The following SHC3 variants were observed in gnomAD, a reference collection of about 807,000 sequenced individuals.
SHC3 encodes SHC adaptor protein 3, also known as SHC-transforming protein 3.
A neutral mutation model predicts 60.4 loss-of-function variants in SHC3; 15 were observed. The ratio of observed to expected loss-of-function variants is 0.25; its 90% CI spans 0.17 to 0.38. The LOEUF is 0.38. Ranked by LOEUF, SHC3 falls within the 10% of genes least tolerant of loss-of-function variation. SHC3 has a pLI of 1.00. For synonymous variants in SHC3, 294 were observed against 325.9 expected, an observed-to-expected ratio of 0.90 and a Z score of 1.05; for missense variants, 677 against 786.1, an observed-to-expected ratio of 0.86 and a Z score of 1.66.
chr9:89,059,724 C>CT (rs1825042096), intron 6 of SHC3, among the ~76,000 whole-genome samples: 16 of 5,218 alleles, frequency 3.1e-3, no homozygotes, highest in South Asian at 0.018. Context: ...GATGGTGGTG[C>CT]AGGACGGTGG....
Position 89,046,944 on chromosome 9 carries a change from T to G in SHC3, c.1013A>C (p.Asp338Ala). 1 of 1,610,536 alleles carries G rather than the reference T, an allele frequency of 6.2e-7. No individual in the cohort carries two copies. Among genetic ancestry groups the G allele is most frequent in the African/African-American group, 1.3e-5 (1 of 75,024 alleles). The change falls in exon 8 of 12, where the codon GAC becomes GCC. Residue 338 changes from aspartate to alanine, a missense_variant. Coordinates refer to ENST00000375835, the MANE Select transcript of SHC3 (RefSeq NM_016848.6). ...TGGGATGCTGTTGTAGTATGGGTGG[T>G]CTGAGCCATCTCCCTCCTCTTCCGT... is the stretch of plus-strand genomic sequence containing the variant. ...PWTEEEGDGS[D>A]HPYYNSIPSK...
chr9:89,026,367 C>T (rs1252120470), intron 11 of SHC3, among the ~76,000 whole-genome samples: 1 of 152,124 alleles, frequency 6.6e-6, no homozygotes, highest in Admixed American at 6.5e-5. Context: ...GTCTCCACAA[C>T]CCCTTATCTT....
At chr9:89,058,849 T>C (rs1383096612) in intron 6 of SHC3, among the ~76,000 whole-genome samples, 2 of 109,204 alleles carry the variant, frequency 1.8e-5, no homozygotes, top group African/African-American at 7.4e-5. Flanking sequence ...AGGATGGTGG[T>C]GTTAGGACGT....
intron 1 of SHC3, among the ~76,000 whole-genome samples, chr9:89,168,688 T>C (rs577636589): frequency 5.9e-5 from 9 of 152,224 alleles, no homozygotes; most frequent in South Asian, 2.1e-4. Flanking sequence ...GACTGAGCCA[T>C]GAGATGCCCA....
intron 4 of SHC3, among the ~76,000 whole-genome samples, chr9:89,073,090 C>T (rs1000696089): frequency 6.6e-6 from 1 of 152,136 alleles, no homozygotes; most frequent in Non-Finnish European, 1.5e-5. Context: ...AGGTAGAGGG[C>T]TCCTAAGAGA....
chr9:89,031,998 T>C (rs536489052), intron 11 of SHC3, among the ~76,000 whole-genome samples: 6 of 152,248 alleles, frequency 3.9e-5, no homozygotes, highest in Non-Finnish European at 8.8e-5. Context: ...TCTTCTCCTT[T>C]GAGCTCCCGT....
chr9:89,169,853 T>C (rs1393156445), intron 1 of SHC3, among the ~76,000 whole-genome samples: 1 of 152,150 alleles, frequency 6.6e-6, no homozygotes, highest in Non-Finnish European at 1.5e-5. Flanking sequence ...ATAATAAATG[T>C]TTAAATTTCA....
chr9:89,040,060 TCAC>T (rs781590753), intron 10 of SHC3, among the ~76,000 whole-genome samples: 26 of 144,148 alleles, frequency 1.8e-4, no homozygotes, highest in Middle Eastern at 3.9e-3. Context: ...ATTATCACCA[TCAC>T]CACCACCACC....
intron 1 of SHC3, among the ~76,000 whole-genome samples, chr9:89,118,752 C>T (rs1826051213): frequency 6.6e-6 from 1 of 151,968 alleles, no homozygotes; most frequent in Non-Finnish European, 1.5e-5. Context: ...AATATTGAGC[C>T]AAGAATCTTA....
intron 8 of SHC3, 49 bp from the exon 9 acceptor site, chr9:89,045,882 T>C: frequency 6.3e-7 from 1 of 1,583,662 alleles, no homozygotes; most frequent in South Asian, 1.1e-5. Flanking sequence ...TTTCTTCTCA[T>C]TTCACCACTT....
chr9:89,103,912 G>T (rs1032827029), intron 2 of SHC3, among the ~76,000 whole-genome samples: 1 of 152,150 alleles, frequency 6.6e-6, no homozygotes, highest in Non-Finnish European at 1.5e-5. Flanking sequence ...GGAGCAAAGG[G>T]ATCCCTATGG....
rs558872608 is a variant in SHC3 at position 89,046,484 on chromosome 9, A to G, written c.1113+360T>C. On this transcript the variant is annotated intron_variant, in intron 8 of 11. Transcript: ENST00000375835. ...AAAATTCTCATCATTTTAAGCGTCT[A>G]TATTCACTCCTTTTCAGAGAACCCA... is the stretch of plus-strand genomic sequence containing the variant. 1.6e-4 allele frequency among the ~76,000 whole-genome samples: 25 copies of G among 152,332 alleles called. 1 individual carries two copies. The South Asian group carries it at 5.2e-3, about 32-fold the overall frequency.
chr9:89,165,643 G>A (rs1826777511), intron 1 of SHC3, among the ~76,000 whole-genome samples: 1 of 152,116 alleles, frequency 6.6e-6, no homozygotes, highest in Non-Finnish European at 1.5e-5. Flanking sequence ...GATGTAAGAG[G>A]CTTAGAAAAA....
rs1825984637 is a variant in SHC3 at position 89,009,291 on chromosome 9, A to G, written c.*4156T>C. On this transcript the variant is annotated 3_prime_UTR_variant, in exon 12 of 12. Transcript: ENST00000375835. ...GGTTTGTCCTCTTCATCTTTCTTAG[A>G]GCCAGCTTTGAAAGTTCCATGGGAG... 1 of 152,122 alleles carries G rather than the reference A, an allele frequency of 6.6e-6. No individual in the cohort carries two copies. Among genetic ancestry groups the G allele is most frequent in the Non-Finnish European group, 1.5e-5 (1 of 68,072 alleles). The allele number at this position is 152,122 out of a possible 1,614,324, so 9.4% of individuals were successfully genotyped here.
At chr9:89,016,347 G>A (rs889241485) in intron 11 of SHC3, among the ~76,000 whole-genome samples, 3 of 152,052 alleles carry the variant, frequency 2.0e-5, no homozygotes, top group African/African-American at 7.2e-5. Flanking sequence ...CATATGATAG[G>A]TTTATTGGGA....
intron 1 of SHC3, among the ~76,000 whole-genome samples, chr9:89,159,131 C>T (rs1486391666): frequency 4.0e-5 from 6 of 150,876 alleles, no homozygotes; most frequent in Non-Finnish European, 7.4e-5. Flanking sequence ...ATAAAGAAAG[C>T]TCTACCATCT....
intron 1 of SHC3, among the ~76,000 whole-genome samples, chr9:89,124,855 A>T (rs540471286): frequency 7.1e-6 from 1 of 140,100 alleles, no homozygotes; most frequent in South Asian, 2.2e-4. Context: ...AAAGTAAAAT[A>T]AAAAAAAAAA....
chr9:89,057,025 C>G lies in SHC3; in HGVS notation c.836-4862G>C, dbSNP rs577690101. 1.1e-4 allele frequency among the ~76,000 whole-genome samples: 16 copies of G among 152,366 alleles called. No individual in the cohort carries two copies. In the South Asian group the frequency reaches 1.7e-3, roughly 16 times the overall value. On this transcript the variant is annotated intron_variant, in intron 6 of 11. Transcript: ENST00000375835. Reference sequence around the variant, plus strand: ...CTGGGGTTCTCCAGTGGCTGCTGATCCAGACACCAGTAGCCTCTGATCCAG... The same window carrying G: ...CTGGGGTTCTCCAGTGGCTGCTGATGCAGACACCAGTAGCCTCTGATCCAG...
intron 2 of SHC3, among the ~76,000 whole-genome samples, chr9:89,078,466 G>A (rs568469394): frequency 1.0e-3 from 153 of 152,276 alleles, no homozygotes; most frequent in African/African-American, 3.5e-3. Flanking sequence ...TAAAGAACCC[G>A]GCAGTGAGGT....
Sources: allele counts gnomAD v4.1 joint callset (sites outside exome capture counted in the v4.1 genomes callset), GRCh38; gene constraint gnomAD v4.1.1; transcripts MANE v1.5; gene names NCBI Gene and HGNC (gene_info 2026-07-23, HGNC 2026-07-21).